The following LRP1B variants were observed in gnomAD, a reference collection of about 807,000 sequenced individuals.
LRP1B encodes low-density lipoprotein receptor-related protein 1B.
Under a neutral mutation model 556.6 loss-of-function variants are expected in LRP1B, and 217 were observed. That is an observed-to-expected ratio of 0.39 (90% CI 0.35 to 0.44). LRP1B has a LOEUF of 0.44. Ranked by LOEUF, LRP1B falls within the 20% of genes least tolerant of loss-of-function variation. The pLI, the probability that LRP1B is intolerant of heterozygous loss-of-function variation, is 1.00. For missense variants in LRP1B, 5,053 were observed against 5,620.8 expected, an observed-to-expected ratio of 0.90 and a Z score of 3.23; for synonymous variants, 2,047 against 1,865.8, an observed-to-expected ratio of 1.10 and a Z score of -2.50.
chr2:141,728,990 G>T (rs1367142641), intron 2 of LRP1B, among the ~76,000 whole-genome samples: 1 of 152,120 alleles, frequency 6.6e-6, no homozygotes, highest in East Asian at 1.9e-4. Flanking sequence ...CCAGACACTA[G>T]ATCAGTCTCT....
At chr2:141,006,398 C>T (rs1339472835) in intron 14 of LRP1B, among the ~76,000 whole-genome samples, 1 of 151,896 alleles carries the variant, frequency 6.6e-6, no homozygotes, top group Non-Finnish European at 1.5e-5. Context: ...CTAGCTGTAA[C>T]GTTGTATCCT....
rs576126797 is a variant in LRP1B, at chr2:141,029,743, A to T, written c.1790-9641T>A. Among the ~76,000 whole-genome samples, 134 of 152,192 alleles carry T rather than the reference A, an allele frequency of 8.8e-4. 2 individuals carry two copies. The South Asian group carries it at 0.024, about 27-fold the overall frequency. On this transcript the variant is annotated intron_variant, in intron 11 of 90. Coordinates refer to ENST00000389484, the MANE Select transcript of LRP1B (RefSeq NM_018557.3). ...GTGAGCAATAAACTTCCTAAGTCTC[A>T]ATGTCTCATTTTCTACTTTTGGCAC...
chr2:140,523,323 G>A lies in LRP1B; in HGVS notation c.8026+2521C>T, dbSNP rs181072107. On this transcript the variant is annotated intron_variant, in intron 49 of 90. Coordinates refer to ENST00000389484, the MANE Select transcript of LRP1B (RefSeq NM_018557.3). The stretch of plus-strand genomic sequence containing the variant: ...GATCATCTCAATAGACACAGAAAAA[G>A]CATTCAATAAAATCCAATATCGCTT... 1.8e-3 allele frequency among the ~76,000 whole-genome samples: 266 copies of A among 151,934 alleles called. 3 individuals are homozygous for A. Among genetic ancestry groups the A allele is most frequent in the Admixed American group, 4.0e-3 (61 of 15,212 alleles).
chr2:140,288,117 T>C (rs994402244), intron 84 of LRP1B, among the ~76,000 whole-genome samples: 1 of 148,330 alleles, frequency 6.7e-6, no homozygotes, highest in South Asian at 2.1e-4. Flanking sequence ...CTTTATACCC[T>C]TGGACTCAGA....
Position 141,822,092 on chromosome 2 carries a change from T to TACAC in LRP1B, c.83-11695_83-11692dup, listed in dbSNP as rs149899299. Among the ~76,000 whole-genome samples the TACAC allele has an allele frequency of 3.4e-3, 383 of 112,372 alleles. 4 individuals are homozygous for TACAC. The highest frequency in any genetic ancestry group is 5.1e-3 in the Admixed American group (49 of 9,644). 73.7% of individuals were successfully genotyped at this position (112,372 alleles called of 152,430 possible). A position where few individuals can be genotyped will look rare whatever the true frequency, so the allele number is the denominator to read the frequency against. ...AACTGCTTCTTCACCAAAAAATACA[T>TACAC]ACACACACACACACACACACACACA... On this transcript the variant is annotated intron_variant, in intron 1 of 90. Transcript: ENST00000389484.
chr2:140,424,245 CA>C (rs1008359856), intron 66 of LRP1B, among the ~76,000 whole-genome samples: 8 of 151,994 alleles, frequency 5.3e-5, no homozygotes, highest in African/African-American at 1.9e-4. Context: ...TTTCCAGACC[CA>C]AAAAAGTTAA....
At chr2:141,578,886 G>A (rs965969854) in intron 2 of LRP1B, among the ~76,000 whole-genome samples, 1 of 152,108 alleles carries the variant, frequency 6.6e-6, no homozygotes, top group South Asian at 2.1e-4. Flanking sequence ...AATTCCCAGG[G>A]CAACATCTAA....
chr2:141,210,971 GTTTAT>G (rs1682515165), intron 6 of LRP1B, among the ~76,000 whole-genome samples: 1 of 151,994 alleles, frequency 6.6e-6, no homozygotes, highest in Non-Finnish European at 1.5e-5. Context: ...GTGCTAAGAG[GTTTAT>G]TTTTTCATTT....
rs1690223714 is a variant in LRP1B at position 140,794,339 on chromosome 2, T to C, written c.5360-18101A>G. Among the ~76,000 whole-genome samples the C allele has an allele frequency of 2.0e-5, 3 of 152,154 alleles. No individual in the cohort carries two copies. In the South Asian group the frequency reaches 6.2e-4, roughly 31 times the overall value. On this transcript the variant is annotated intron_variant, in intron 32 of 90. Coordinates refer to ENST00000389484, the MANE Select transcript of LRP1B (RefSeq NM_018557.3). ...ACACAGTGAAATACACCAAGTATTC[T>C]TCAACTTTCACTAGATCTCTCATAA... is the stretch of plus-strand genomic sequence containing the variant.
chr2:140,306,288 T>C (rs980941694), intron 83 of LRP1B, among the ~76,000 whole-genome samples: 2 of 152,008 alleles, frequency 1.3e-5, no homozygotes, highest in Non-Finnish European at 2.9e-5. Flanking sequence ...GGTCCTGTAC[T>C]TTTTTTGGTT....
At chr2:140,562,615 GTTAT>G (rs573194978) in intron 43 of LRP1B, among the ~76,000 whole-genome samples, 2 of 151,632 alleles carry the variant, frequency 1.3e-5, no homozygotes, top group East Asian at 3.9e-4. Context: ...TTTCTTTTCT[GTTAT>G]TTATTTATTT....
chr2:140,683,993 C>T (rs1685958811), intron 41 of LRP1B: 2 of 271,184 alleles, frequency 7.4e-6, no homozygotes, highest in Non-Finnish European at 1.4e-5. Context: ...TTTGCACCAA[C>T]CGAATACATA....
At chr2:140,789,737 TCTC>T (rs1334898031) in intron 32 of LRP1B, among the ~76,000 whole-genome samples, 1 of 144,888 alleles carries the variant, frequency 6.9e-6, no homozygotes, top group Admixed American at 6.9e-5. Flanking sequence ...TTCACGCCAT[TCTC>T]CTGCCTCAGC....
At chr2:140,618,925 G>A (rs1276869536) in intron 41 of LRP1B, among the ~76,000 whole-genome samples, 1 of 151,992 alleles carries the variant, frequency 6.6e-6, no homozygotes, top group Non-Finnish European at 1.5e-5. Context: ...CGTAAAATGG[G>A]ACCTCTAATT....
At chr2:141,627,294 G>C (rs1278854566) in intron 2 of LRP1B, among the ~76,000 whole-genome samples, 1 of 152,212 alleles carries the variant, frequency 6.6e-6, no homozygotes, top group Non-Finnish European at 1.5e-5. Context: ...TAAGGGGAAG[G>C]GAGGAATAAG....
At chr2:141,217,260 TC>T (rs1682852050) in intron 6 of LRP1B, among the ~76,000 whole-genome samples, 1 of 152,140 alleles carries the variant, frequency 6.6e-6, no homozygotes, top group Non-Finnish European at 1.5e-5. Context: ...GCATGGCAAC[TC>T]CCTCCACTTT....
In LRP1B at chr2:141,005,327, G is replaced by T; in HGVS notation, c.2503+8C>A. The T allele has an allele frequency of 1.9e-6, 3 of 1,609,082 alleles. No homozygotes were observed. The highest frequency in any genetic ancestry group is 1.1e-5 in the South Asian group (1 of 90,752). On this transcript the variant is annotated splice_region_variant and intron_variant, in intron 15 of 90. Coordinates refer to ENST00000389484, the MANE Select transcript of LRP1B (RefSeq NM_018557.3). ...TAAACAAATAAGGGTAACTTGAAAA[G>T]AACTTACATGTGCAAGTTGTCCCAT...
intron 60 of LRP1B, among the ~76,000 whole-genome samples, chr2:140,460,984 A>C (rs1405880861): frequency 6.6e-6 from 1 of 151,130 alleles, no homozygotes; most frequent in East Asian, 1.9e-4. Flanking sequence ...CATCGCTTGA[A>C]CCCGGGAGGT....
At chr2:140,719,724 C>G (rs1245936330) in intron 35 of LRP1B, among the ~76,000 whole-genome samples, 1 of 152,030 alleles carries the variant, frequency 6.6e-6, no homozygotes, top group Non-Finnish European at 1.5e-5. Flanking sequence ...CATTGAGGAA[C>G]TAACATATTT....
Sources: allele counts gnomAD v4.1 joint callset (sites outside exome capture counted in the v4.1 genomes callset), GRCh38; gene constraint gnomAD v4.1.1; transcripts MANE v1.5; gene names NCBI Gene and HGNC (gene_info 2026-07-23, HGNC 2026-07-21).